Variants in PACRG observed in about 807,000 individuals in gnomAD.
PACRG encodes the protein parkin coregulated gene protein.
PACRG carries 29 observed loss-of-function variants against 29.7 expected under a neutral mutation model. The observed-to-expected ratio is 0.98, with a 90% CI of 0.73 to 1.33. The LOEUF (loss-of-function observed/expected upper bound fraction) is 1.33. Among genes scored for constraint, PACRG ranks in the 40% most tolerant of loss-of-function variants. PACRG has a pLI of 0.00. For synonymous variants in PACRG, 116 were observed against 118.7 expected, an observed-to-expected ratio of 0.98 and a Z score of 0.15; for missense variants, 279 against 316.2, an observed-to-expected ratio of 0.88 and a Z score of 0.89.
At chr6:163,160,507 ATTAC>A (rs1416715350) in intron 4 of PACRG, among the ~76,000 whole-genome samples, 4 of 152,182 alleles carry the variant, frequency 2.6e-5, no homozygotes, top group African/African-American at 9.7e-5. Context: ...TAGGTGAACA[ATTAC>A]TTTCTTTCTT....
intron 1 of PACRG, among the ~76,000 whole-genome samples, chr6:162,795,636 T>A (rs973207120): frequency 6.6e-6 from 1 of 152,216 alleles, no homozygotes; most frequent in Non-Finnish European, 1.5e-5. Context: ...AAAACCTAGT[T>A]GTATTTTTAT....
intron 4 of PACRG, among the ~76,000 whole-genome samples, chr6:163,200,727 A>G (rs1290402891): frequency 1.3e-5 from 2 of 152,226 alleles, no homozygotes; most frequent in Non-Finnish European, 2.9e-5. Flanking sequence ...GAGTTGAAGC[A>G]TTCTTTTACA....
chr6:163,310,002 G>A (rs1785348835), intron 4 of PACRG: 1 of 152,182 alleles, frequency 6.6e-6, no homozygotes, highest in African/African-American at 2.4e-5. Flanking sequence ...CAATCTAAAG[G>A]AAACATTTAT....
intron 1 of PACRG, among the ~76,000 whole-genome samples, chr6:162,741,176 A>C (rs968944039): frequency 6.6e-6 from 1 of 152,200 alleles, no homozygotes; most frequent in Non-Finnish European, 1.5e-5. Context: ...CTAGTGATCC[A>C]CCACAAGGTG....
At chr6:163,191,246 C>T (rs1429127197) in intron 4 of PACRG, among the ~76,000 whole-genome samples, 1 of 152,116 alleles carries the variant, frequency 6.6e-6, no homozygotes, top group East Asian at 1.9e-4. Context: ...AAAAAACTAA[C>T]TTCACCATCA....
intron 4 of PACRG, among the ~76,000 whole-genome samples, chr6:163,148,065 C>T (rs948100005): frequency 5.3e-5 from 8 of 152,178 alleles, no homozygotes; most frequent in Non-Finnish European, 1.0e-4. Flanking sequence ...GAGGACAAGA[C>T]GATGTCTACT....
At chr6:163,274,192 C>G (rs1400808176) in intron 4 of PACRG, among the ~76,000 whole-genome samples, 3 of 152,190 alleles carry the variant, frequency 2.0e-5, no homozygotes, top group African/African-American at 7.2e-5. Context: ...CCCTCCACCC[C>G]CCAACAGGCC....
intron 2 of PACRG, among the ~76,000 whole-genome samples, chr6:162,876,278 G>T (rs903452063): frequency 1.3e-5 from 2 of 152,176 alleles, no homozygotes; most frequent in African/African-American, 4.8e-5. Flanking sequence ...TGGGAAGGGA[G>T]GCCAAGGCCA....
intron 2 of PACRG, among the ~76,000 whole-genome samples, chr6:162,944,104 C>G (rs780641729): frequency 2.6e-5 from 4 of 152,170 alleles, no homozygotes; most frequent in Non-Finnish European, 5.9e-5. Flanking sequence ...ACTGCCACCA[C>G]TGGGGCCTGT....
chr6:162,810,455 A>C (rs1380674857), intron 1 of PACRG, among the ~76,000 whole-genome samples: 1 of 152,184 alleles, frequency 6.6e-6, no homozygotes, highest in Non-Finnish European at 1.5e-5. Flanking sequence ...AATATAATCA[A>C]CAGGTGCCAA....
chr6:163,156,746 G>T (rs1304647358), intron 4 of PACRG, among the ~76,000 whole-genome samples: 1 of 152,130 alleles, frequency 6.6e-6, no homozygotes, highest in African/African-American at 2.4e-5. Context: ...GGGCTCTGCT[G>T]GAAAGCCTGT....
At chr6:163,111,771 A>G (rs1815726747) in intron 4 of PACRG, among the ~76,000 whole-genome samples, 1 of 152,080 alleles carries the variant, frequency 6.6e-6, no homozygotes, top group African/African-American at 2.4e-5. Flanking sequence ...TGTCTTTTCT[A>G]TTTTTATTCT....
At chr6:163,136,033 T>C (rs575692813) in intron 4 of PACRG, among the ~76,000 whole-genome samples, 1 of 152,372 alleles carries the variant, frequency 6.6e-6, no homozygotes, top group Admixed American at 6.5e-5. Context: ...TTTGGTCATA[T>C]GTGTTTGCAG....
At chr6:162,977,745 GTTACA>G (rs1261766942) in intron 2 of PACRG, among the ~76,000 whole-genome samples, 26 of 152,102 alleles carry the variant, frequency 1.7e-4, no homozygotes, top group Admixed American at 1.7e-3. Context: ...TTTTAAAAGA[GTTACA>G]TTACTATGTT....
At chr6:162,815,926 C>T (rs1032852238) in intron 2 of PACRG, among the ~76,000 whole-genome samples, 3 of 151,764 alleles carry the variant, frequency 2.0e-5, no homozygotes, top group Non-Finnish European at 4.4e-5. Flanking sequence ...GTAATTATAA[C>T]CTACACATAA....
chr6:163,198,767 C>T lies in PACRG; in HGVS notation c.613+109359C>T, dbSNP rs940693697. ...GTTTCTTTTGCCAAGGTTGAGGACA[C>T]GCCCATGACACAGCCTCAGGAAGTT... On this transcript the variant is annotated intron_variant, in intron 4 of 4. Coordinates refer to ENST00000366888, the MANE Select transcript of PACRG (RefSeq NM_001080379.2). Among the ~76,000 whole-genome samples, 18 of 152,240 alleles carry T rather than the reference C, an allele frequency of 1.2e-4. No homozygotes were observed. The South Asian group carries it at 1.5e-3, about 12-fold the overall frequency.
At chr6:163,126,959 T>G (rs577904329) in intron 4 of PACRG, among the ~76,000 whole-genome samples, 69 of 152,328 alleles carry the variant, frequency 4.5e-4, no homozygotes, top group African/African-American at 1.6e-3. Flanking sequence ...CAAGTGCTCT[T>G]GAGCCCCTCC....
intron 4 of PACRG, among the ~76,000 whole-genome samples, chr6:163,091,943 A>T (rs963869400): frequency 7.9e-5 from 12 of 152,240 alleles, no homozygotes; most frequent in Non-Finnish European, 1.3e-4. Context: ...GCAGTAGAAA[A>T]AACTCATCCT....
chr6:163,074,359 G>T (rs1350644494), intron 3 of PACRG, among the ~76,000 whole-genome samples: 1 of 152,034 alleles, frequency 6.6e-6, no homozygotes, highest in Non-Finnish European at 1.5e-5. Flanking sequence ...CTTATTTTGG[G>T]GTGCTCAAAA....
Sources: allele counts gnomAD v4.1 joint callset (sites outside exome capture counted in the v4.1 genomes callset), GRCh38; gene constraint gnomAD v4.1.1; transcripts MANE v1.5; gene names NCBI Gene and HGNC (gene_info 2026-07-23, HGNC 2026-07-21).